The following PDZD2 variants were observed in gnomAD, a reference collection of about 807,000 sequenced individuals.
The protein encoded by PDZD2 is PDZ domain-containing protein 2.
PDZD2 carries 90 observed loss-of-function variants against 220.7 expected under a neutral mutation model. The observed-to-expected ratio is 0.41, with a 90% CI of 0.34 to 0.49. The LOEUF (loss-of-function observed/expected upper bound fraction) is 0.49. PDZD2 is among the 20% of genes least tolerant of loss of function. The pLI is 0.28. For synonymous variants in PDZD2, 1,375 were observed against 1,450.5 expected (o/e 0.95, Z 1.18); for missense variants, 3,174 against 3,608.5 (o/e 0.88, Z 3.08).
At chr5:31,897,021 A>G (rs1279295156) in intron 2 of PDZD2, among the ~76,000 whole-genome samples, 1 of 151,400 alleles carries the variant, frequency 6.6e-6, no homozygotes, top group East Asian at 1.9e-4. Context: ...AAATCATTTT[A>G]TTTTCTTAAA....
chr5:31,849,935 CATATATATATAT>C (rs1244381437), intron 2 of PDZD2, among the ~76,000 whole-genome samples: 10 of 19,190 alleles, frequency 5.2e-4, no homozygotes, highest in Non-Finnish European at 8.6e-4. Context: ...TATATATACA[CATATATATATAT>C]ACATATATAT....
chr5:31,660,040 G>C (rs1450108618), intron 1 of PDZD2, among the ~76,000 whole-genome samples: 2 of 152,192 alleles, frequency 1.3e-5, no homozygotes, highest in South Asian at 4.1e-4. Context: ...GACCCAGCTG[G>C]GTAGTCAGAC....
At chr5:31,690,658 G>C (rs776589564) in intron 1 of PDZD2, among the ~76,000 whole-genome samples, 5 of 151,986 alleles carry the variant, frequency 3.3e-5, no homozygotes, top group Non-Finnish European at 7.4e-5. Context: ...TCTCCTCTTT[G>C]TATCTCCATG....
chr5:31,974,462 CA>C (rs1192958333), intron 2 of PDZD2, among the ~76,000 whole-genome samples: 1 of 152,180 alleles, frequency 6.6e-6, no homozygotes, highest in Non-Finnish European at 1.5e-5. Flanking sequence ...GCTCCTTTTA[CA>C]GGCTTAATGT....
intron 1 of PDZD2, among the ~76,000 whole-genome samples, chr5:31,681,447 C>A (rs10060903): frequency 0.011 from 1,685 of 152,200 alleles, 41 homozygotes; most frequent in African/African-American, 0.039. Flanking sequence ...GAGGTTTCGC[C>A]ATGTTGGTCT....
At chr5:31,957,045 G>A (rs1057465663) in intron 2 of PDZD2, among the ~76,000 whole-genome samples, 3 of 152,062 alleles carry the variant, frequency 2.0e-5, no homozygotes, top group African/African-American at 7.2e-5. Flanking sequence ...AGGTATAAGG[G>A]ACACTGATGA....
intron 1 of PDZD2, among the ~76,000 whole-genome samples, chr5:31,696,342 C>T (rs369536141): frequency 2.0e-5 from 3 of 152,146 alleles, no homozygotes; most frequent in Admixed American, 6.6e-5. Flanking sequence ...CTCTGTCCCC[C>T]AGGTTGTAGT....
chr5:31,709,497 AATAAAAGGTGAG>A (rs1747988186), intron 1 of PDZD2, among the ~76,000 whole-genome samples: 1 of 114,792 alleles, frequency 8.7e-6, no homozygotes, highest in Non-Finnish European at 1.9e-5. Context: ...AAAAAAATAA[AATAAAAGGTGAG>A]AGAAAAGGTG....
intron 1 of PDZD2, among the ~76,000 whole-genome samples, chr5:31,767,445 C>T (rs1208348200): frequency 6.6e-6 from 1 of 152,200 alleles, no homozygotes; most frequent in African/African-American, 2.4e-5. Context: ...AATGGTCACC[C>T]GTTTCAGGAA....
At chr5:31,972,535 C>T (rs1337975222) in intron 2 of PDZD2, among the ~76,000 whole-genome samples, 1 of 152,158 alleles carries the variant, frequency 6.6e-6, no homozygotes, top group Non-Finnish European at 1.5e-5. Context: ...TCCACAAAGA[C>T]AGGAATCTTG....
chr5:31,949,879 T>A (rs1747025273), intron 2 of PDZD2, among the ~76,000 whole-genome samples: 1 of 150,932 alleles, frequency 6.6e-6, no homozygotes, highest in Non-Finnish European at 1.5e-5. Context: ...AGATGGCGTT[T>A]CACCATGTTG....
In PDZD2 at chr5:32,061,143, G is replaced by A; in HGVS notation, c.2451+9G>A. ...GGCACCCTAATCCAAAGGTGAGGTGGTCCACCCTCTTCTGAACGTGGGAAG... is the reference window on the plus strand; with the variant it reads ...GGCACCCTAATCCAAAGGTGAGGTGATCCACCCTCTTCTGAACGTGGGAAG... On this transcript the variant is annotated intron_variant, in intron 14 of 24. Coordinates refer to ENST00000438447, the MANE Select transcript of PDZD2 (RefSeq NM_178140.4). 6.2e-7 allele frequency: 1 copy of A among 1,613,840 alleles called. No homozygotes were observed. The highest frequency in any genetic ancestry group is 8.5e-7 in the Non-Finnish European group (1 of 1,179,734).
At chr5:31,779,595 G>C (rs184321592) in intron 1 of PDZD2, among the ~76,000 whole-genome samples, 1,533 of 151,886 alleles carry the variant, frequency 0.01, 16 homozygotes, top group Non-Finnish European at 0.013. Context: ...GGATGGTCTC[G>C]ATCTCCTGAC....
intron 2 of PDZD2, among the ~76,000 whole-genome samples, chr5:31,845,074 G>C (rs895183372): frequency 1.3e-5 from 2 of 151,850 alleles, no homozygotes; most frequent in African/African-American, 4.8e-5. Flanking sequence ...TGGGAGATGA[G>C]AAGAATTCTT....
intron 1 of PDZD2, among the ~76,000 whole-genome samples, chr5:31,767,698 C>A (rs1463113461): frequency 6.6e-6 from 1 of 152,198 alleles, no homozygotes. Flanking sequence ...ATCTCCTCTG[C>A]AATATTGATG....
At chr5:31,689,336 C>CATATGCAT (rs1747009210) in intron 1 of PDZD2, among the ~76,000 whole-genome samples, 1 of 55,224 alleles carries the variant, frequency 1.8e-5, no homozygotes, top group African/African-American at 1.1e-4. Flanking sequence ...TATACATATA[C>CATATGCAT]ATATATATAT....
intron 2 of PDZD2, among the ~76,000 whole-genome samples, chr5:31,806,304 G>A (rs1195380437): frequency 6.6e-6 from 1 of 152,194 alleles, no homozygotes; most frequent in East Asian, 1.9e-4. Flanking sequence ...GATTTGGAAT[G>A]TCCATCCTTT....
At chr5:31,783,704 A>G (rs1297098321) in intron 1 of PDZD2, among the ~76,000 whole-genome samples, 2 of 152,042 alleles carry the variant, frequency 1.3e-5, no homozygotes, top group Admixed American at 1.3e-4. Flanking sequence ...TCTATTTCCT[A>G]TAGCACCTCC....
chr5:32,067,942 A>G (rs1341424080), intron 14 of PDZD2, among the ~76,000 whole-genome samples: 1 of 152,226 alleles, frequency 6.6e-6, no homozygotes, highest in Non-Finnish European at 1.5e-5. Context: ...GTACAAATAT[A>G]TTGGAGAGCG....
Sources: gnomAD v4.1 joint callset for allele counts (sites outside exome capture counted in the v4.1 genomes callset) on GRCh38, gnomAD v4.1.1 for gene constraint, MANE v1.5 for transcripts, NCBI Gene and HGNC (gene_info 2026-07-23, HGNC 2026-07-21) for gene names.